Variants in SLA observed in about 807,000 individuals in gnomAD.
SLA encodes the protein src-like-adapter.
A neutral mutation model predicts 30.3 loss-of-function variants in SLA; 16 were observed. The ratio of observed to expected loss-of-function variants is 0.53; its 90% CI spans 0.36 to 0.80. SLA has a LOEUF of 0.80. Among genes scored for constraint, SLA ranks in the 30% least tolerant of loss-of-function variants. The pLI is 0.01. For missense variants in SLA, 310 were observed against 345.2 expected, an observed-to-expected ratio of 0.90 and a Z score of 0.81; for synonymous variants, 143 against 137.8, an observed-to-expected ratio of 1.04 and a Z score of -0.26.
At chr8:133,050,759 C>T in intron 4 of SLA, 57 bp downstream of exon 4, 1 of 1,162,768 alleles carries the variant, frequency 8.6e-7, no homozygotes, top group East Asian at 2.3e-5. Flanking sequence ...ATACTTTTCT[C>T]CCAAACCAAG....
intron 1 of SLA, among the ~76,000 whole-genome samples, chr8:133,077,735 A>ATGTGTG (rs34749093): frequency 0.027 from 3,945 of 148,122 alleles, 79 homozygotes; most frequent in African/African-American, 0.058. Flanking sequence ...TCTGGTGTGT[A>ATGTGTG]TGTGTGTGTG....
At chr8:133,066,125 C>A (rs1005471225) in intron 2 of SLA, among the ~76,000 whole-genome samples, 1 of 152,140 alleles carries the variant, frequency 6.6e-6, no homozygotes, top group East Asian at 1.9e-4. Flanking sequence ...AGATCGAGAC[C>A]ATCCTGGCTG....
At chr8:133,057,577 G>A (rs1403633651) in intron 3 of SLA, among the ~76,000 whole-genome samples, 1 of 152,068 alleles carries the variant, frequency 6.6e-6, no homozygotes, top group Non-Finnish European at 1.5e-5. Context: ...CCAGATCTCT[G>A]GGGCAGCCCG....
chr8:133,063,210 A>G (rs1842625455), intron 2 of SLA, among the ~76,000 whole-genome samples: 1 of 151,926 alleles, frequency 6.6e-6, no homozygotes, highest in Non-Finnish European at 1.5e-5. Flanking sequence ...ACACCTAGTG[A>G]TTGTGCCCAG....
chr8:133,046,224 G>A (rs78804548), intron 6 of SLA, among the ~76,000 whole-genome samples: 1 of 152,220 alleles, frequency 6.6e-6, no homozygotes, highest in African/African-American at 2.4e-5. Context: ...GGAGCTGATT[G>A]ATTATTTGCT....
rs1296397690 is a variant in SLA, at chr8:133,049,963, A to C, written c.187T>G (p.Ser63Ala). 6.2e-7 allele frequency: 1 copy of C among 1,613,668 alleles called. No individual in the cohort carries two copies. Among genetic ancestry groups the C allele is most frequent in the East Asian group, 2.2e-5 (1 of 44,886 alleles). ...SDEGGWWKAI[S>A]LSTGRESYIP... ...TAACTCTCTCGACCAGTGCTAAGAG[A>C]AATAGCTTTCCACCAGCCCCCTTCA... The change falls in exon 5 of 9, where the codon TCT becomes GCT. Residue 63 changes from serine to alanine, a missense_variant. Ser to Ala is a moderately conservative substitution (Grantham distance 99). Transcript: ENST00000338087.
At chr8:133,090,681 C>T (rs1346264212) in intron 1 of SLA, among the ~76,000 whole-genome samples, 1 of 152,190 alleles carries the variant, frequency 6.6e-6, no homozygotes, top group Non-Finnish European at 1.5e-5. Flanking sequence ...ATTTTCCCTC[C>T]ATTGTCTCCT....
rs1248230718 is a variant in SLA at position 133,060,212 on chromosome 8, G to A, written c.-40-12C>T. 2 of 1,613,254 alleles carry A rather than the reference G, an allele frequency of 1.2e-6. No homozygotes were observed. The highest frequency in any genetic ancestry group is 4.5e-5 in the East Asian group (2 of 44,862). ...GTGATGCCCAGAGCCTGTGGTATAG[G>A]AGACAGACGGGGAAAGTCAACCGTG... On this transcript the variant is annotated splice_polypyrimidine_tract_variant and intron_variant, in intron 2 of 8. Transcript: ENST00000338087.
At chr8:133,102,344 C>T (rs899191819) in intron 1 of SLA, 28 of 503,576 alleles carry the variant, frequency 5.6e-5, no homozygotes, top group South Asian at 4.1e-4. Flanking sequence ...AGGGAAGTCA[C>T]GGAGGGACAG....
chr8:133,049,482 C>G, intron 5 of SLA: 1 of 283,140 alleles, frequency 3.5e-6, no homozygotes, highest in South Asian at 3.6e-5. Context: ...ATGTTATGAT[C>G]TCTACTTGAC....
intron 7 of SLA, among the ~76,000 whole-genome samples, chr8:133,043,934 T>A (rs1838800968): frequency 6.6e-6 from 1 of 152,190 alleles, no homozygotes; most frequent in Non-Finnish European, 1.5e-5. Flanking sequence ...AGGATGGCAA[T>A]GTTCCGCTGG....
Position 133,060,367 on chromosome 8 carries a change from G to A in SLA, c.-40-167C>T, listed in dbSNP as rs193193464. 68 of 1,537,138 alleles carry A rather than the reference G, an allele frequency of 4.4e-5. 2 individuals carry two copies. The highest frequency in any genetic ancestry group is 3.7e-4 in the South Asian group (30 of 80,520). On this transcript the variant is annotated intron_variant, in intron 2 of 8. Coordinates refer to ENST00000338087, the MANE Select transcript of SLA (RefSeq NM_001045556.3). ...ATTGGTGAAGATTGGTTACTTTTGC[G>A]CAGCTCAAGTTCTTTTATCAAGGGA...
chr8:133,054,075 T>A lies in SLA; in HGVS notation c.62-3160A>T, dbSNP rs151032371. Among the ~76,000 whole-genome samples, 306 of 152,294 alleles carry A rather than the reference T, an allele frequency of 2.0e-3. 1 individual carries two copies. Among genetic ancestry groups the A allele is most frequent in the African/African-American group, 7.1e-3 (295 of 41,558 alleles). On this transcript the variant is annotated intron_variant, in intron 3 of 8. Coordinates refer to ENST00000338087, the MANE Select transcript of SLA (RefSeq NM_001045556.3). ...GCCTGGTGCCAGGATCCCTTCAAAG[T>A]CTTCCCTGAGCTTTGGTTGCTACAG...
chr8:133,094,557 C>A, intron 1 of SLA: 1 of 214,414 alleles, frequency 4.7e-6, no homozygotes, highest in Non-Finnish European at 9.6e-6. Flanking sequence ...AAGCAATTTA[C>A]CCTTACAAAG....
chr8:133,047,786 C>T (rs200839104), intron 6 of SLA, 44 bp downstream of exon 6: 42 of 1,093,064 alleles, frequency 3.8e-5, no homozygotes. Context: ...GCAAAACATG[C>T]TTGTCTGCCC....
intron 3 of SLA, among the ~76,000 whole-genome samples, chr8:133,051,546 G>A (rs1260600850): frequency 6.6e-6 from 1 of 152,104 alleles, no homozygotes; most frequent in Non-Finnish European, 1.5e-5. Context: ...TATTTAATAG[G>A]GACATTTGTT....
chr8:133,092,538 A>G (rs2131614989), intron 1 of SLA, among the ~76,000 whole-genome samples: 1 of 152,230 alleles, frequency 6.6e-6, no homozygotes. Flanking sequence ...CAGTGCAGCC[A>G]CAGCTCCCAC....
At chr8:133,092,163 C>T (rs1847655914) in intron 1 of SLA, among the ~76,000 whole-genome samples, 1 of 151,948 alleles carries the variant, frequency 6.6e-6, no homozygotes, top group Non-Finnish European at 1.5e-5. Context: ...GAAGTGGTAC[C>T]AATAAACTCC....
intron 7 of SLA, among the ~76,000 whole-genome samples, chr8:133,041,458 G>A (rs1838225449): frequency 6.6e-6 from 1 of 152,230 alleles, no homozygotes; most frequent in South Asian, 2.1e-4. Flanking sequence ...GAAATGGGAG[G>A]TGAGACCATG....
Sources: allele counts gnomAD v4.1 joint callset (sites outside exome capture counted in the v4.1 genomes callset), GRCh38; gene constraint gnomAD v4.1.1; transcripts MANE v1.5; gene names NCBI Gene and HGNC (gene_info 2026-07-23, HGNC 2026-07-21).